FCER1G: variants seen among roughly 807,000 people sequenced by gnomAD.
FCER1G encodes the protein Fc epsilon receptor Ig, also known as high affinity immunoglobulin epsilon receptor subunit gamma.
In FCER1G, 7 loss-of-function variants were observed where a neutral mutation model predicts 17.3. The ratio of observed to expected loss-of-function variants is 0.40; its 90% confidence interval spans 0.23 to 0.76. FCER1G has a LOEUF of 0.76. FCER1G is among the 30% of genes least tolerant of loss of function. FCER1G has a pLI of 0.35. For synonymous variants in FCER1G, 35 were observed against 38.7 expected, an observed-to-expected ratio of 0.90 and a Z score of 0.35; for missense variants, 87 against 97.7, an observed-to-expected ratio of 0.89 and a Z score of 0.46.
chr1:161,218,187 A>T (rs1666087368), intron 2 of FCER1G, 54 bp from the exon 3 acceptor site: 1 of 1,569,064 alleles, frequency 6.4e-7, no homozygotes, highest in Admixed American at 1.7e-5. Flanking sequence ...GTTTGGAGGG[A>T]AGGGGGATGG....
At chr1:161,216,115 A>G (rs1666037745) in intron 1 of FCER1G, among the ~76,000 whole-genome samples, 2 of 151,946 alleles carry the variant, frequency 1.3e-5, no homozygotes, top group Admixed American at 1.3e-4. Context: ...AGCATTTCCC[A>G]TGGGGTGCCT....
chr1:161,218,128 G>A, intron 2 of FCER1G, 51 bp downstream of exon 2: 2 of 1,535,962 alleles, frequency 1.3e-6, no homozygotes, highest in Non-Finnish European at 9.0e-7. Context: ...TGGGAGGAGG[G>A]CAGCAGCAAG....
chr1:161,218,730 G>A lies in FCER1G; in HGVS notation c.198+7G>A. The A allele has an allele frequency of 6.2e-7, 1 of 1,613,952 alleles. No homozygotes were observed. Among genetic ancestry groups the A allele is most frequent in the Non-Finnish European group, 8.5e-7 (1 of 1,179,910 alleles). On this transcript the variant is annotated splice_region_variant and intron_variant, in intron 4 of 4. Transcript: ENST00000289902. Reference sequence around the variant, plus strand: ...ATCAGATGGTGTTTACACGGTAAGTGTGCCTACCTCCCCCACCCAGGAAGT... The same window carrying A: ...ATCAGATGGTGTTTACACGGTAAGTATGCCTACCTCCCCCACCCAGGAAGT...
chr1:161,218,382 C>A, intron 3 of FCER1G, 106 bp downstream of exon 3: 1 of 945,004 alleles, frequency 1.1e-6, no homozygotes, highest in Non-Finnish European at 1.7e-6. Context: ...CTCTCAGGTG[C>A]TGATCTGCAT....
chr1:161,218,872 C>T lies in FCER1G; in HGVS notation c.199-9C>T. On this transcript the variant is annotated splice_polypyrimidine_tract_variant and intron_variant, in intron 4 of 4. Transcript: ENST00000289902. ...CAGCTCCTGATCGCCCTTTGACTCC[C>T]ATCTCCAGGGCCTGAGCACCAGGAA... is the stretch of plus-strand genomic sequence containing the variant. 2 of 1,612,948 alleles carry T rather than the reference C, an allele frequency of 1.2e-6. No homozygotes were observed. The highest frequency in any genetic ancestry group is 1.7e-6 in the Non-Finnish European group (2 of 1,178,952).
chr1:161,216,411 C>CACACACACACACACACACACACATAT (rs1491150470), intron 1 of FCER1G, among the ~76,000 whole-genome samples: 6 of 129,750 alleles, frequency 4.6e-5, no homozygotes, highest in Non-Finnish European at 9.7e-5. Context: ...CACACACACA[C>CACACACACACACACACACACACATAT]ATATATATAT....
intron 2 of FCER1G, 54 bp from the exon 3 acceptor site, chr1:161,218,187 A>G: frequency 6.4e-7 from 1 of 1,569,064 alleles, no homozygotes; most frequent in South Asian, 1.1e-5. Context: ...GTTTGGAGGG[A>G]AGGGGGATGG....
chr1:161,215,885 C>T (rs1571629183), intron 1 of FCER1G, among the ~76,000 whole-genome samples: 1 of 151,936 alleles, frequency 6.6e-6, no homozygotes, highest in East Asian at 1.9e-4. Flanking sequence ...AGCCACTGCA[C>T]CCAGCTATTA....
Position 161,218,729 on chromosome 1 carries a change from T to A in FCER1G, c.198+6T>A. ...AATCAGATGGTGTTTACACGGTAAG[T>A]GTGCCTACCTCCCCCACCCAGGAAG... On this transcript the variant is annotated splice_donor_region_variant and intron_variant, in intron 4 of 4. Transcript: ENST00000289902. The A allele has an allele frequency of 2.5e-6, 4 of 1,613,900 alleles. No individual in the cohort carries two copies. The highest frequency in any genetic ancestry group is 3.4e-6 in the Non-Finnish European group (4 of 1,179,884).
intron 1 of FCER1G, among the ~76,000 whole-genome samples, chr1:161,216,377 TACAC>T (rs57711151): frequency 0.029 from 3,491 of 120,368 alleles, 60 homozygotes; most frequent in South Asian, 0.074. Context: ...CACACACACA[TACAC>T]ACACACACAC....
rs1345737166 is a variant in FCER1G, at chr1:161,218,230, C to T, written c.142-11C>T. On this transcript the variant is annotated splice_polypyrimidine_tract_variant and intron_variant, in intron 2 of 4. Coordinates refer to ENST00000289902, the MANE Select transcript of FCER1G (RefSeq NM_004106.2). ...ACTTACCCTTTACTGATAACCTTTC[C>T]CCCATTCCAGATCCAAGTGCGAAAG... 34 of 1,613,042 alleles carry T rather than the reference C, an allele frequency of 2.1e-5. No homozygotes were observed. Among genetic ancestry groups the T allele is most frequent in the Non-Finnish European group, 2.6e-5 (31 of 1,179,128 alleles).
At chr1:161,217,192 C>A (rs567136505) in intron 1 of FCER1G, among the ~76,000 whole-genome samples, 1 of 152,116 alleles carries the variant, frequency 6.6e-6, no homozygotes, top group Non-Finnish European at 1.5e-5. Context: ...TCCTCTGATA[C>A]GGGGTGAGAG....
At position 161,218,721 on chromosome 1, in the gene FCER1G, A is replaced by G. The variant is rs756386336; in HGVS notation, c.196A>G (p.Thr66Ala). ...TSYEKSDGVY[T>A]GLSTRNQETY... The stretch of plus-strand genomic sequence containing the variant: ...TCTGCAGAAATCAGATGGTGTTTAC[A>G]CGGTAAGTGTGCCTACCTCCCCCAC... The change falls in exon 4 of 5, where the codon ACG (threonine) becomes GCG (alanine). Residue 66 changes from threonine to alanine, a missense_variant and splice_region_variant. Transcript: ENST00000289902. 2 of 1,613,990 alleles carry G rather than the reference A, an allele frequency of 1.2e-6. No individual in the cohort carries two copies. Among genetic ancestry groups the G allele is most frequent in the East Asian group, 2.2e-5 (1 of 44,870 alleles).
At chr1:161,215,415 G>A in intron 1 of FCER1G, 45 bp downstream of exon 1, 1 of 1,571,414 alleles carries the variant, frequency 6.4e-7, no homozygotes, top group South Asian at 1.1e-5. Flanking sequence ...CTCCAGGGTG[G>A]AAGTCCAGAG....
intron 1 of FCER1G, among the ~76,000 whole-genome samples, chr1:161,217,240 T>C (rs1315150391): frequency 1.3e-5 from 2 of 152,054 alleles, no homozygotes; most frequent in African/African-American, 4.8e-5. Context: ...ATTTTTTAAA[T>C]TGCACAAAAC....
Position 161,215,970 on chromosome 1 carries a change from C to T in FCER1G, c.49+600C>T, listed in dbSNP as rs1229131988. Among the ~76,000 whole-genome samples the T allele has an allele frequency of 2.0e-5, 3 of 152,198 alleles. 1 individual carries two copies. The East Asian group carries it at 5.8e-4, about 29-fold the overall frequency. On this transcript the variant is annotated intron_variant, in intron 1 of 4. Coordinates refer to ENST00000289902, the MANE Select transcript of FCER1G (RefSeq NM_004106.2). Reference sequence around the variant, plus strand: ...GAACTCCTGGCCTCAAGCAATTCTCCCACCTCGGCCTCCCAAAGTGCTACT... The same window carrying T: ...GAACTCCTGGCCTCAAGCAATTCTCTCACCTCGGCCTCCCAAAGTGCTACT...
chr1:161,216,572 G>C (rs937512029), intron 1 of FCER1G, among the ~76,000 whole-genome samples: 2 of 152,156 alleles, frequency 1.3e-5, no homozygotes, highest in African/African-American at 4.8e-5. Flanking sequence ...TCTGTCAGCA[G>C]TTGATAATGA....
chr1:161,215,591 G>A (rs771820405), intron 1 of FCER1G, among the ~76,000 whole-genome samples: 2 of 151,778 alleles, frequency 1.3e-5, no homozygotes, highest in Admixed American at 6.6e-5. Flanking sequence ...ACTTTTCTCC[G>A]TATTATTATT....
chr1:161,218,963 ATAT>A lies in FCER1G; in HGVS notation c.*22_*24del, dbSNP rs761748391. 3 of 1,596,206 alleles carry A rather than the reference ATAT, an allele frequency of 1.9e-6. No homozygotes were observed. In the East Asian group the frequency reaches 6.7e-5, roughly 36 times the overall value. ...CAGTAGCTTTAGAATAGATGCGGTCATATTCTTCTTTGGCTTCTGGTTCTTCCA... is the reference window on the plus strand; with the variant it reads ...CAGTAGCTTTAGAATAGATGCGGTCATCTTCTTTGGCTTCTGGTTCTTCCA... On this transcript the variant is annotated 3_prime_UTR_variant, in exon 5 of 5. Transcript: ENST00000289902.
Sources: gnomAD v4.1 joint callset for allele counts (sites outside exome capture counted in the v4.1 genomes callset) on GRCh38, gnomAD v4.1.1 for gene constraint, MANE v1.5 for transcripts, NCBI Gene and HGNC (gene_info 2026-07-23, HGNC 2026-07-21) for gene names.